The following ROBO2 variants were observed in gnomAD, a reference collection of about 807,000 sequenced individuals.
The protein encoded by ROBO2 is roundabout guidance receptor 2, also known as roundabout homolog 2.
ROBO2 carries 53 observed loss-of-function variants against 160.8 expected under a neutral mutation model. The observed-to-expected ratio is 0.33, with a 90% CI of 0.26 to 0.41. ROBO2 has a LOEUF of 0.41. Among genes scored for constraint, ROBO2 ranks in the 10% least tolerant of loss-of-function variants. The pLI is 1.00. For missense variants in ROBO2, 1,577 were observed against 1,722.4 expected (o/e 0.92, Z 1.49); for synonymous variants, 664 against 611.7 (o/e 1.09, Z -1.26).
At chr3:77,565,229 T>C in intron 12 of ROBO2, 109 bp downstream of exon 13, 1 of 1,219,646 alleles carries the variant, frequency 8.2e-7, no homozygotes, top group Non-Finnish European at 1.2e-6. Flanking sequence ...CTTTGTATGA[T>C]GGCTCACTAG....
intron 2 of ROBO2, among the ~76,000 whole-genome samples, chr3:76,329,840 G>C (rs1229257969): frequency 2.0e-5 from 3 of 152,086 alleles, no homozygotes; most frequent in Admixed American, 6.5e-5. Context: ...CTCTTCAAAG[G>C]CCCTTTTATT....
At chr3:76,730,344 C>T (rs1354366833) in intron 2 of ROBO2, among the ~76,000 whole-genome samples, 1 of 73,166 alleles carries the variant, frequency 1.4e-5, no homozygotes, top group Non-Finnish European at 2.4e-5. Flanking sequence ...ACCCACCTCT[C>T]CTCACCTCCT....
At chr3:76,557,463 A>G (rs970895106) in intron 2 of ROBO2, among the ~76,000 whole-genome samples, 1 of 151,854 alleles carries the variant, frequency 6.6e-6, no homozygotes, top group Non-Finnish European at 1.5e-5. Flanking sequence ...TATACCACTC[A>G]AAGGATCCTA....
chr3:77,169,868 G>C lies in ROBO2; in HGVS notation c.388+71528G>C, dbSNP rs985897172. ...TCCCCACCAAGGGGGCAGGAGTTGA[G>C]CATGAGCCTCCCCACTGTGGTCGTC... On this transcript the variant is annotated intron_variant, in intron 2 of 25. Coordinates refer to ENST00000461745, the Ensembl canonical transcript of ROBO2. Among the ~76,000 whole-genome samples, 3 of 152,154 alleles carry C rather than the reference G, an allele frequency of 2.0e-5. No individual in the cohort carries two copies. In the South Asian group the frequency reaches 6.2e-4, roughly 32 times the overall value.
intron 5 of ROBO2, among the ~76,000 whole-genome samples, chr3:77,500,889 G>A (rs1248851173): frequency 6.6e-6 from 1 of 152,148 alleles, no homozygotes; most frequent in East Asian, 1.9e-4. Flanking sequence ...TTGGGTTCTG[G>A]CCAGTGGTCA....
intron 2 of ROBO2, among the ~76,000 whole-genome samples, chr3:77,279,515 C>T (rs2060108629): frequency 2.6e-5 from 4 of 152,028 alleles, no homozygotes; most frequent in South Asian, 2.1e-4. Context: ...CATGCATATG[C>T]ATCTTTTAAC....
At chr3:75,971,161 A>G (rs2064980723) in intron 2 of ROBO2, among the ~76,000 whole-genome samples, 2 of 151,540 alleles carry the variant, frequency 1.3e-5, no homozygotes, top group African/African-American at 2.4e-5. Context: ...ACTAAGAACA[A>G]TATACATTTT....
chr3:76,887,049 G>A (rs890693329), intron 2 of ROBO2, among the ~76,000 whole-genome samples: 1 of 152,116 alleles, frequency 6.6e-6, no homozygotes, highest in African/African-American at 2.4e-5. Context: ...ATAACCATTT[G>A]TATTTATTGA....
intron 2 of ROBO2, among the ~76,000 whole-genome samples, chr3:76,470,532 C>T (rs898610066): frequency 2.0e-5 from 3 of 152,046 alleles, no homozygotes; most frequent in African/African-American, 4.8e-5. Flanking sequence ...GGCCTCTCTA[C>T]GTGACTCGGG....
In ROBO2 at chr3:76,073,267, C is replaced by CTTTTTTTTTTTTTT. The variant is rs869307615; in HGVS notation, c.109+135696_109+135709dup. Among the ~76,000 whole-genome samples, 14 of 57,402 alleles carry CTTTTTTTTTTTTTT rather than the reference C, an allele frequency of 2.4e-4. 1 individual carries two copies. Among genetic ancestry groups the CTTTTTTTTTTTTTT allele is most frequent in the Non-Finnish European group, 3.5e-4 (10 of 28,424 alleles). 37.7% of individuals were successfully genotyped at this position (57,402 alleles called of 152,430 possible). A position where few individuals can be genotyped will look rare whatever the true frequency, so the allele number is the denominator to read the frequency against. On this transcript the variant is annotated intron_variant, in intron 2 of 26. Transcript: ENST00000487694. ...TTGTAAACTTCTCAGAATGAGTATT[C>CTTTTTTTTTTTTTT]TTTTTTTTTTTTTTTTTTTTTTTTT... is the stretch of plus-strand genomic sequence containing the variant.
chr3:77,328,372 A>C (rs2065650379), intron 2 of ROBO2, among the ~76,000 whole-genome samples: 1 of 152,208 alleles, frequency 6.6e-6, no homozygotes, highest in Non-Finnish European at 1.5e-5. Context: ...ACAGTTTGCT[A>C]TGTAAAGTTT....
intron 2 of ROBO2, among the ~76,000 whole-genome samples, chr3:77,428,339 A>ATTTTTTT (rs59725522): frequency 4.7e-5 from 5 of 105,570 alleles, no homozygotes; most frequent in African/African-American, 8.4e-5. Flanking sequence ...CTTAGGTAAT[A>ATTTTTTT]TTTTTTTTTT....
chr3:77,259,747 G>A (rs1315630291), intron 2 of ROBO2, among the ~76,000 whole-genome samples: 10 of 152,156 alleles, frequency 6.6e-5, no homozygotes, highest in African/African-American at 9.7e-5. Flanking sequence ...AATCACTTCC[G>A]TGCTTTGTCT....
chr3:76,682,100 GA>G (rs2092578274), intron 2 of ROBO2, among the ~76,000 whole-genome samples: 4 of 152,104 alleles, frequency 2.6e-5, no homozygotes. Context: ...ACACATTGCG[GA>G]AATATTTTTG....
chr3:77,224,874 GGAT>G lies in ROBO2; in HGVS notation c.388+126538_388+126540del, dbSNP rs371924711. Among the ~76,000 whole-genome samples the G allele has an allele frequency of 3.8e-3, 582 of 151,810 alleles. 4 individuals carry two copies. The highest frequency in any genetic ancestry group is 0.012 in the African/African-American group (502 of 41,502). On this transcript the variant is annotated intron_variant, in intron 2 of 25. Coordinates refer to ENST00000461745, the Ensembl canonical transcript of ROBO2. ...TTCCCTAGATAAGACCGCTGATAGT[GGAT>G]GATAAGACTGATGAATAATATTTGA...
intron 2 of ROBO2, among the ~76,000 whole-genome samples, chr3:76,751,675 C>A (rs2060658338): frequency 6.6e-6 from 1 of 151,810 alleles, no homozygotes; most frequent in Admixed American, 6.6e-5. Flanking sequence ...ATGCAGCCAA[C>A]AGACACATGA....
intron 1 of ROBO2, among the ~76,000 whole-genome samples, chr3:77,067,910 A>C (rs938192470): frequency 1.3e-5 from 2 of 152,116 alleles, no homozygotes; most frequent in African/African-American, 4.8e-5. Context: ...TTTATTGATG[A>C]GTACTTTAAA....
At chr3:77,533,717 G>C (rs1362982929) in intron 6 of ROBO2, among the ~76,000 whole-genome samples, 1 of 152,070 alleles carries the variant, frequency 6.6e-6, no homozygotes, top group East Asian at 1.9e-4. Flanking sequence ...AAGATCCAGA[G>C]TATTAAGTAA....
At chr3:76,535,259 C>T (rs2082432414) in intron 2 of ROBO2, among the ~76,000 whole-genome samples, 1 of 151,914 alleles carries the variant, frequency 6.6e-6, no homozygotes, top group African/African-American at 2.4e-5. Flanking sequence ...CTTGAACTAG[C>T]CTGTGGGACT....
Sources: gnomAD v4.1 joint callset for allele counts (sites outside exome capture counted in the v4.1 genomes callset) on GRCh38, gnomAD v4.1.1 for gene constraint, MANE v1.5 for transcripts, NCBI Gene and HGNC (gene_info 2026-07-23, HGNC 2026-07-21) for gene names.